Variants in GALNT13 observed in about 807,000 individuals in gnomAD.
The protein encoded by GALNT13 is polypeptide N-acetylgalactosaminyltransferase 13, also known as UDP-GalNAc:polypeptide N-acetylgalactosaminyltransferase 13.
In GALNT13, 28 loss-of-function variants were observed where a neutral mutation model predicts 64.2. The ratio of observed to expected loss-of-function variants is 0.44; its 90% CI spans 0.32 to 0.60. GALNT13 has a LOEUF of 0.60. Ranked by LOEUF, GALNT13 falls within the 20% of genes least tolerant of loss-of-function variation. The probability of loss-of-function intolerance (pLI) is 0.05; values close to 1 mark genes in which losing one functional copy is unlikely to be tolerated. For missense variants in GALNT13, 577 were observed against 669.8 expected (o/e 0.86, Z 1.53); for synonymous variants, 214 against 224.6 (o/e 0.95, Z 0.42).
chr2:153,472,793 T>A, the GALNT13 span, among the ~76,000 whole-genome samples: 2 of 152,170 alleles, frequency 1.3e-5, no homozygotes, highest in South Asian at 4.1e-4. Context: ...AAAATAAGCT[T>A]TGTTTATTCT....
chr2:153,108,158 A>G, the GALNT13 span, among the ~76,000 whole-genome samples: 1 of 152,200 alleles, frequency 6.6e-6, no homozygotes, highest in South Asian at 2.1e-4. Flanking sequence ...GATTATAGGC[A>G]TGAGCCACCG....
At chr2:153,072,984 A>G in the GALNT13 span, among the ~76,000 whole-genome samples, 1 of 152,214 alleles carries the variant, frequency 6.6e-6, no homozygotes, top group Non-Finnish European at 1.5e-5. Context: ...TTCCTGGATT[A>G]AGGACTGGCG....
At chr2:153,197,769 C>A in the GALNT13 span, among the ~76,000 whole-genome samples, 1 of 152,200 alleles carries the variant, frequency 6.6e-6, no homozygotes, top group Non-Finnish European at 1.5e-5. Flanking sequence ...AGCCACCCCA[C>A]GAAGGTGGGT....
At chr2:153,911,942 G>A (rs1688969145) in intron 2 of GALNT13, among the ~76,000 whole-genome samples, 3 of 152,118 alleles carry the variant, frequency 2.0e-5, no homozygotes, top group African/African-American at 4.8e-5. Flanking sequence ...GAATTTGAAT[G>A]TTGGCCTCCT....
chr2:154,259,078 A>G lies in GALNT13; in HGVS notation c.915A>G (p.Ile305Met), dbSNP rs1226819010. 1.2e-6 allele frequency: 2 copies of G among 1,610,530 alleles called. No individual in the cohort carries two copies. The highest frequency in any genetic ancestry group is 1.7e-6 in the Non-Finnish European group (2 of 1,177,900). ...TTGACAGAAACTACTTTGAAGAGAT[A>G]GGAACTTACGATGCAGGAATGGATA... ...FSIDRNYFEEIGTYDAGMDIW... is the reference protein window; with the variant it reads ...FSIDRNYFEEMGTYDAGMDIW... The change falls in exon 8 of 13, where the codon ATA becomes ATG. Residue 305 changes from isoleucine (I) to methionine (M), a missense_variant. This residue lies in a region of GALNT13 where 341 missense variants were observed against 379.3 expected (regional missense o/e 0.90). Transcript: ENST00000392825.
chr2:153,743,028 G>A, the GALNT13 span, among the ~76,000 whole-genome samples: 2 of 93,648 alleles, frequency 2.1e-5, no homozygotes, highest in Admixed American at 2.3e-4. Context: ...GAGAAGGTGG[G>A]GGAGGGGAGG....
chr2:153,496,083 T>G, the GALNT13 span, among the ~76,000 whole-genome samples: 2 of 152,050 alleles, frequency 1.3e-5, no homozygotes, highest in Non-Finnish European at 2.9e-5. Context: ...AAGGACAGAG[T>G]GGAACCAAAG....
chr2:153,747,250 A>AT, the GALNT13 span, among the ~76,000 whole-genome samples: 13 of 152,074 alleles, frequency 8.5e-5, no homozygotes, highest in Non-Finnish European at 1.8e-4. Context: ...AAAATGTACG[A>AT]TTATCATTGA....
intron 8 of GALNT13, among the ~76,000 whole-genome samples, chr2:154,268,188 T>C (rs1317368732): frequency 2.6e-5 from 4 of 152,192 alleles, no homozygotes; most frequent in African/African-American, 9.7e-5. Flanking sequence ...ACAATCCAAA[T>C]GTCCATCAGC....
chr2:154,095,871 A>T (rs16836075), intron 3 of GALNT13, among the ~76,000 whole-genome samples: 9,766 of 151,962 alleles, frequency 0.064, 425 homozygotes, highest in Middle Eastern at 0.13. Context: ...CAATATTGTG[A>T]TTTTCAAAGT....
chr2:153,940,265 T>G, intron 2 of GALNT13, among the ~76,000 whole-genome samples: 1 of 150,590 alleles, frequency 6.6e-6, no homozygotes, highest in South Asian at 2.1e-4. Context: ...TTTGTCTTTT[T>G]TTTTTTTTTT....
the GALNT13 span, among the ~76,000 whole-genome samples, chr2:153,371,792 A>G: frequency 6.6e-6 from 1 of 152,220 alleles, no homozygotes; most frequent in Non-Finnish European, 1.5e-5. Flanking sequence ...AGATATTAAA[A>G]AGCTGATTCT....
the GALNT13 span, among the ~76,000 whole-genome samples, chr2:153,775,528 C>G: frequency 2.0e-5 from 3 of 152,094 alleles, no homozygotes; most frequent in Admixed American, 2.0e-4. Flanking sequence ...ATCATGCAAA[C>G]TATTCTCTTA....
At chr2:153,078,318 CT>C in the GALNT13 span, among the ~76,000 whole-genome samples, 878 of 133,962 alleles carry the variant, frequency 6.6e-3, 5 homozygotes, top group South Asian at 0.011. Context: ...CCTTTTCATT[CT>C]TTTTTTTTTT....
At chr2:154,145,115 T>TAG in intron 4 of GALNT13, among the ~76,000 whole-genome samples, 1 of 143,500 alleles carries the variant, frequency 7.0e-6, no homozygotes, top group East Asian at 2.7e-4. Context: ...TATATATATA[T>TAG]ATATACACAC....
At chr2:154,342,998 G>C (rs576940729) in intron 9 of GALNT13, among the ~76,000 whole-genome samples, 1 of 152,080 alleles carries the variant, frequency 6.6e-6, no homozygotes, top group Non-Finnish European at 1.5e-5. Context: ...ATTGTATTTA[G>C]TATGAATTTG....
Position 153,892,379 on chromosome 2 carries a change from T to C in GALNT13, c.-176-8557T>C, listed in dbSNP as rs150385137. 1.3e-3 allele frequency among the ~76,000 whole-genome samples: 195 copies of C among 152,158 alleles called. 1 individual carries two copies. Among genetic ancestry groups the C allele is most frequent in the African/African-American group, 4.5e-3 (188 of 41,562 alleles). On this transcript the variant is annotated intron_variant, in intron 1 of 12. Transcript: ENST00000392825. ...AGGATATAAAAATATTAACATAATC[T>C]CTTGCAATGATAATCTCTACAAGTT...
At chr2:153,076,355 T>C in the GALNT13 span, among the ~76,000 whole-genome samples, 1 of 152,196 alleles carries the variant, frequency 6.6e-6, no homozygotes, top group Non-Finnish European at 1.5e-5. Context: ...TTTAGGATAC[T>C]GAACCTGCAT....
chr2:153,851,473 G>T, the GALNT13 span, among the ~76,000 whole-genome samples: 7 of 151,844 alleles, frequency 4.6e-5, no homozygotes, highest in Non-Finnish European at 7.4e-5. Context: ...GGCTAAGGTT[G>T]AAGGATGACT....
Sources: allele counts gnomAD v4.1 joint callset (sites outside exome capture counted in the v4.1 genomes callset), GRCh38; gene constraint gnomAD v4.1.1; regional missense constraint gnomAD v4.1.1; transcripts MANE v1.5; gene names NCBI Gene and HGNC (gene_info 2026-07-23, HGNC 2026-07-21).